WRN: variants seen among roughly 807,000 people sequenced by gnomAD.
The protein encoded by WRN is WRN RecQ like helicase.
In WRN, 149 loss-of-function variants were observed where a neutral mutation model predicts 180.7. That is an observed-to-expected ratio of 0.82 (90% CI 0.72 to 0.94). The LOEUF (loss-of-function observed/expected upper bound fraction) is 0.94. Among genes scored for constraint, WRN ranks in the 40% least tolerant of loss-of-function variants. The pLI, the probability that WRN is intolerant of heterozygous loss-of-function variation, is 0.00. For synonymous variants in WRN, 548 were observed against 568.9 expected (o/e 0.96, Z 0.52); for missense variants, 1,661 against 1,700.1 (o/e 0.98, Z 0.40).
chr8:31,165,256 A>G (rs889901263), intron 33 of WRN, among the ~76,000 whole-genome samples: 1 of 152,086 alleles, frequency 6.6e-6, no homozygotes, highest in Non-Finnish European at 1.5e-5. Context: ...TTACATTTAT[A>G]GTATGAAGAA....
intron 1 of WRN, among the ~76,000 whole-genome samples, chr8:31,054,959 A>G (rs1035860521): frequency 1.3e-5 from 2 of 152,194 alleles, no homozygotes; most frequent in African/African-American, 4.8e-5. Context: ...CTTATAAGTG[A>G]GAACATGTGG....
At chr8:31,147,570 C>T in intron 30 of WRN, 94 bp downstream of exon 30, 1 of 1,159,552 alleles carries the variant, frequency 8.6e-7, no homozygotes, top group Non-Finnish European at 1.3e-6. Context: ...ATAGCTTCCA[C>T]TGTCACATCT....
chr8:31,063,948 C>T (rs577439590), intron 3 of WRN, among the ~76,000 whole-genome samples: 2 of 152,106 alleles, frequency 1.3e-5, no homozygotes, highest in African/African-American at 4.8e-5. Flanking sequence ...TCTTAAACTC[C>T]TAGTCTCAAG....
chr8:31,053,890 G>A (rs752771008), intron 1 of WRN, among the ~76,000 whole-genome samples: 35 of 152,124 alleles, frequency 2.3e-4, no homozygotes, highest in Admixed American at 4.6e-4. Context: ...AAAAGTTCAC[G>A]TTTACTCAAA....
chr8:31,111,493 G>C, intron 18 of WRN, 122 bp from the exon 19 acceptor site: 2 of 1,211,854 alleles, frequency 1.7e-6, no homozygotes, highest in Admixed American at 4.4e-5. Flanking sequence ...AAATTTTACA[G>C]TTGTGTCTTT....
At position 31,068,286 on chromosome 8, in the gene WRN, A is replaced by G. The variant is rs1812784964; in HGVS notation, c.683A>G (p.Glu228Gly). Residue 228 changes from glutamate (E) to glycine (G), a missense_variant, in exon 7 of 35, where the codon GAG becomes GGG. This residue lies in a region of WRN where 500 missense variants were observed against 504.1 expected (regional missense o/e 0.99). Coordinates refer to ENST00000298139, the MANE Select transcript of WRN (RefSeq NM_000553.6). ...GGTTTTATTATTTACCGAAATTTAG[A>G]GATTTTGGATGATACTGTGCAAAGG... ...YAGFIIYRNLEILDDTVQRFA... is the reference protein window; with the variant it reads ...YAGFIIYRNLGILDDTVQRFA... The G allele has an allele frequency of 1.6e-5, 25 of 1,609,072 alleles. No homozygotes were observed. Among genetic ancestry groups the G allele is most frequent in the Non-Finnish European group, 2.1e-5 (25 of 1,176,486 alleles).
At chr8:31,037,419 T>G (rs891799013) in intron 1 of WRN, among the ~76,000 whole-genome samples, 2 of 152,232 alleles carry the variant, frequency 1.3e-5, no homozygotes, top group African/African-American at 4.8e-5. Flanking sequence ...TAACAGGCCA[T>G]GGACTGGTAC....
intron 34 of WRN, 62 bp downstream of exon 34, chr8:31,167,292 C>G: frequency 7.3e-7 from 1 of 1,364,536 alleles, no homozygotes; most frequent in Admixed American, 1.9e-5. Context: ...TATCCTAGTA[C>G]TAGAATGCTG....
chr8:31,119,649 C>T (rs978728116), intron 20 of WRN, among the ~76,000 whole-genome samples: 1 of 151,818 alleles, frequency 6.6e-6, no homozygotes, highest in Non-Finnish European at 1.5e-5. Flanking sequence ...TATATTATGG[C>T]TATTTTTCTT....
rs765350253 is a variant in WRN, at chr8:31,090,452, T to A, written c.1653-13T>A. ...TAATAAAACAAAATAGCTTTTTGCT[T>A]TTCACCTTCAAGAGTTCAGTGGAAA... On this transcript the variant is annotated splice_polypyrimidine_tract_variant and intron_variant, in intron 13 of 34. Coordinates refer to ENST00000298139, the MANE Select transcript of WRN (RefSeq NM_000553.6). 1 of 1,611,182 alleles carries A rather than the reference T, an allele frequency of 6.2e-7. No homozygotes were observed. The highest frequency in any genetic ancestry group is 8.5e-7 in the Non-Finnish European group (1 of 1,178,120).
At chr8:31,156,026 T>C (rs1335203509) in intron 32 of WRN, among the ~76,000 whole-genome samples, 1 of 152,258 alleles carries the variant, frequency 6.6e-6, no homozygotes, top group Non-Finnish European at 1.5e-5. Context: ...TCCATTATAC[T>C]ATTTTTGAAA....
At chr8:31,065,480 T>C (rs916112806) in intron 5 of WRN, among the ~76,000 whole-genome samples, 1 of 152,170 alleles carries the variant, frequency 6.6e-6, no homozygotes, top group African/African-American at 2.4e-5. Flanking sequence ...AGTGAGAACA[T>C]ATGGTATTTG....
chr8:31,066,384 C>T (rs1282409958), intron 5 of WRN, among the ~76,000 whole-genome samples: 3 of 152,014 alleles, frequency 2.0e-5, no homozygotes, highest in African/African-American at 7.2e-5. Flanking sequence ...GACGAGGTTT[C>T]ACCGTGTTAG....
chr8:31,163,572 T>G (rs1008640712), intron 33 of WRN, among the ~76,000 whole-genome samples: 2 of 152,184 alleles, frequency 1.3e-5, no homozygotes, highest in Admixed American at 6.5e-5. Context: ...TATGGGTATA[T>G]AAACTCTAAC....
chr8:31,062,481 C>T (rs997420733), intron 3 of WRN, among the ~76,000 whole-genome samples: 4 of 148,604 alleles, frequency 2.7e-5, no homozygotes, highest in Admixed American at 6.8e-5. Context: ...GATCTTGGTT[C>T]GCTGCAACCT....
In WRN at chr8:31,136,335, G is replaced by C. The variant is rs559841826; in HGVS notation, c.2967+3829G>C. ...GATGGCATCCCACAGAAGTATACCT[G>C]CTTAGAGCTAACACTGGTAAAAAGA... On this transcript the variant is annotated intron_variant, in intron 24 of 34. Coordinates refer to ENST00000298139, the MANE Select transcript of WRN (RefSeq NM_000553.6). Among the ~76,000 whole-genome samples, 15 of 152,288 alleles carry C rather than the reference G, an allele frequency of 9.8e-5. No homozygotes were observed. The East Asian group carries it at 2.7e-3, about 27-fold the overall frequency.
At chr8:31,160,956 A>G (rs1297798248) in intron 33 of WRN, among the ~76,000 whole-genome samples, 1 of 151,192 alleles carries the variant, frequency 6.6e-6, no homozygotes, top group Non-Finnish European at 1.5e-5. Flanking sequence ...TCATTGTACT[A>G]CAGTCTGGAC....
chr8:31,101,028 A>G (rs1814206555), intron 18 of WRN, 73 bp downstream of exon 18: 2 of 1,265,732 alleles, frequency 1.6e-6, no homozygotes, highest in Admixed American at 1.8e-5. Flanking sequence ...GGGGAGTGGT[A>G]AAGAAGCTGA....
intron 1 of WRN, among the ~76,000 whole-genome samples, chr8:31,053,394 A>T (rs1812149074): frequency 6.6e-6 from 1 of 152,228 alleles, no homozygotes; most frequent in South Asian, 2.1e-4. Context: ...TTCACATTAA[A>T]TGATTACATT....
Sources: allele counts gnomAD v4.1 joint callset (sites outside exome capture counted in the v4.1 genomes callset), GRCh38; gene constraint gnomAD v4.1.1; regional missense constraint gnomAD v4.1.1; transcripts MANE v1.5; gene names NCBI Gene and HGNC (gene_info 2026-07-23, HGNC 2026-07-21).